The following RIMS1 variants were observed in gnomAD, a reference collection of about 807,000 sequenced individuals.
The protein encoded by RIMS1 is regulating synaptic membrane exocytosis protein 1.
RIMS1 carries 83 observed loss-of-function variants against 214.1 expected under a neutral mutation model. That is an observed-to-expected ratio of 0.39 (90% CI 0.32 to 0.47). RIMS1 has a LOEUF of 0.47. RIMS1 is among the 20% of genes least tolerant of loss of function. The pLI, the probability that RIMS1 is intolerant of heterozygous loss-of-function variation, is 0.99. For synonymous variants in RIMS1, 793 were observed against 786.8 expected, an observed-to-expected ratio of 1.01 and a Z score of -0.13; for missense variants, 2,050 against 2,161.8, an observed-to-expected ratio of 0.95 and a Z score of 1.03.
Position 72,158,473 on chromosome 6 carries a change from T to C in RIMS1, c.472-21102T>C, listed in dbSNP as rs531593491. 7.9e-5 allele frequency among the ~76,000 whole-genome samples: 11 copies of C among 139,534 alleles called. 1 individual carries two copies. Among genetic ancestry groups the C allele is most frequent in the Non-Finnish European group, 8.1e-5 (5 of 61,390 alleles). The allele number at this position is 139,534 out of a possible 152,430, so 91.5% of individuals were successfully genotyped here. On this transcript the variant is annotated intron_variant, in intron 4 of 33. Coordinates refer to ENST00000521978, the MANE Select transcript of RIMS1 (RefSeq NM_014989.7). ...GTGCACAACGTGCAGGTTTGTTACA[T>C]ATGTATACATGTGCCATGTTGGTGT...
chr6:72,009,943 GA>G (rs371359745), intron 2 of RIMS1, among the ~76,000 whole-genome samples: 20,311 of 152,080 alleles, frequency 0.13, 1,412 homozygotes, highest in South Asian at 0.18. Flanking sequence ...CCAATCAATA[GA>G]AAAAGAGGGA....
At chr6:72,072,238 T>G (rs1830736256) in intron 2 of RIMS1, among the ~76,000 whole-genome samples, 1 of 152,222 alleles carries the variant, frequency 6.6e-6, no homozygotes, top group African/African-American at 2.4e-5. Context: ...GCACATATTT[T>G]AATATTCATT....
chr6:71,929,314 T>A (rs1782415936), intron 1 of RIMS1, among the ~76,000 whole-genome samples: 1 of 152,034 alleles, frequency 6.6e-6, no homozygotes, highest in African/African-American at 2.4e-5. Context: ...CAAAAGAAGG[T>A]AGAAGGTAAT....
intron 2 of RIMS1, among the ~76,000 whole-genome samples, chr6:71,976,952 G>A (rs916749339): frequency 6.6e-6 from 1 of 151,978 alleles, no homozygotes; most frequent in African/African-American, 2.4e-5. Context: ...GTGAATAGTT[G>A]GATAAAAGCT....
chr6:72,120,423 C>T (rs1234292174), intron 4 of RIMS1, among the ~76,000 whole-genome samples: 6 of 151,900 alleles, frequency 3.9e-5, no homozygotes, highest in African/African-American at 1.2e-4. Flanking sequence ...AGCATTTTTT[C>T]ATGTGTTTGT....
chr6:72,179,877 G>A lies in RIMS1; in HGVS notation c.774G>A (p.Gln258=). The stretch of plus-strand genomic sequence containing the variant: ...AAGCCTTGGGGCCTGAACAGAAGCA[G>A]GCTTCATCCAGGTCTAGAAGTGAAC... ...SQQALGPEQK[Q]ASSRSRSEPP... The change falls in exon 5 of 34, where the codon CAG becomes CAA. Residue 258 remains glutamine (Q), a synonymous_variant. Transcript: ENST00000521978. 6.3e-7 allele frequency: 1 copy of A among 1,575,326 alleles called. No homozygotes were observed. The highest frequency in any genetic ancestry group is 2.2e-5 in the East Asian group (1 of 44,542).
At chr6:71,895,243 A>G (rs73748925) in intron 1 of RIMS1, among the ~76,000 whole-genome samples, 5,357 of 152,318 alleles carry the variant, frequency 0.035, 317 homozygotes, top group African/African-American at 0.12. Context: ...TCTGTACTTA[A>G]AGCAGTATTG....
chr6:72,296,912 T>C (rs1225652726), intron 26 of RIMS1, among the ~76,000 whole-genome samples: 1 of 151,886 alleles, frequency 6.6e-6, no homozygotes, highest in South Asian at 2.1e-4. Flanking sequence ...CTTTTTACTT[T>C]CGACCTTTTC....
chr6:71,939,415 C>T (rs1349761378), intron 1 of RIMS1, among the ~76,000 whole-genome samples: 5 of 152,224 alleles, frequency 3.3e-5, no homozygotes, highest in Non-Finnish European at 5.9e-5. Flanking sequence ...TGTTCCAAAG[C>T]TGCTTCCACA....
chr6:72,081,109 A>G (rs920025632), intron 2 of RIMS1, among the ~76,000 whole-genome samples: 1 of 152,182 alleles, frequency 6.6e-6, no homozygotes, highest in African/African-American at 2.4e-5. Context: ...ATATTTACCA[A>G]TTGCCTGTTC....
chr6:71,966,014 A>G lies in RIMS1; in HGVS notation c.165-2969A>G, dbSNP rs1453994456. ...ATAGTGGAAATTGCTGAGGTTACAC[A>G]GTTTCCATATGTTAAAACGGTCAAA... On this transcript the variant is annotated intron_variant, in intron 1 of 33. Transcript: ENST00000521978. 2.6e-5 allele frequency among the ~76,000 whole-genome samples: 4 copies of G among 152,212 alleles called. No individual in the cohort carries two copies. The East Asian group carries it at 7.7e-4, about 29-fold the overall frequency.
At chr6:72,271,284 A>ATATATATATATATATAT (rs1460139968) in intron 22 of RIMS1, among the ~76,000 whole-genome samples, 2 of 23,924 alleles carry the variant, frequency 8.4e-5, no homozygotes, top group Admixed American at 6.4e-4. Flanking sequence ...AAAAAAAAAA[A>ATATATATATATATATAT]AAATATATAT....
At chr6:72,355,989 A>G (rs1297977397) in intron 29 of RIMS1, among the ~76,000 whole-genome samples, 1 of 152,200 alleles carries the variant, frequency 6.6e-6, no homozygotes, top group Non-Finnish European at 1.5e-5. Context: ...AAGTACAAAG[A>G]ATATTGTATA....
intron 4 of RIMS1, among the ~76,000 whole-genome samples, chr6:72,126,976 T>C (rs2039648960): frequency 1.3e-5 from 2 of 152,130 alleles, no homozygotes; most frequent in South Asian, 4.1e-4. Context: ...TACACGCACA[T>C]GCATAATTTT....
At chr6:72,390,995 G>A in intron 30 of RIMS1, 1 of 330,328 alleles carries the variant, frequency 3.0e-6, no homozygotes, top group Non-Finnish European at 5.5e-6. Flanking sequence ...GGAAAGCCCA[G>A]ACTAGTTCCT....
At chr6:72,141,351 A>C (rs2153882222) in intron 4 of RIMS1, among the ~76,000 whole-genome samples, 1 of 152,084 alleles carries the variant, frequency 6.6e-6, no homozygotes, top group Middle Eastern at 3.4e-3. Flanking sequence ...TAATGCTATT[A>C]AATTTCCAAA....
At chr6:71,949,585 C>T (rs1788847067) in intron 1 of RIMS1, among the ~76,000 whole-genome samples, 1 of 152,106 alleles carries the variant, frequency 6.6e-6, no homozygotes, top group African/African-American at 2.4e-5. Flanking sequence ...TCTTCACAGA[C>T]ATATAGGAAA....
At chr6:72,388,632 A>G (rs566165441) in intron 29 of RIMS1, among the ~76,000 whole-genome samples, 1 of 152,326 alleles carries the variant, frequency 6.6e-6, no homozygotes, top group African/African-American at 2.4e-5. Flanking sequence ...GAGTGATGAT[A>G]GTGTCTGGAC....
At chr6:72,095,116 A>AT (rs71540328) in intron 2 of RIMS1, among the ~76,000 whole-genome samples, 41,264 of 99,018 alleles carry the variant, frequency 0.42, 9,493 homozygotes, top group Middle Eastern at 0.51. Flanking sequence ...ACGCCCGACT[A>AT]TTTTTTTTTT....
Sources: gnomAD v4.1 joint callset for allele counts (sites outside exome capture counted in the v4.1 genomes callset) on GRCh38, gnomAD v4.1.1 for gene constraint, MANE v1.5 for transcripts, NCBI Gene and HGNC (gene_info 2026-07-23, HGNC 2026-07-21) for gene names.